LRP1B: variants seen among roughly 807,000 people sequenced by gnomAD.
LRP1B encodes the protein LDL receptor related protein 1B.
LRP1B carries 217 observed loss-of-function variants against 556.6 expected under a neutral mutation model. The ratio of observed to expected loss-of-function variants is 0.39; its 90% CI spans 0.35 to 0.44. The LOEUF (loss-of-function observed/expected upper bound fraction) is 0.44. Ranked by LOEUF, LRP1B falls within the 20% of genes least tolerant of loss-of-function variation. The pLI is 1.00. For synonymous variants in LRP1B, 2,047 were observed against 1,865.8 expected (o/e 1.10, Z -2.50); for missense variants, 5,053 against 5,620.8 (o/e 0.90, Z 3.23).
At chr2:141,333,806 T>C (rs2105500109) in intron 3 of LRP1B, among the ~76,000 whole-genome samples, 1 of 152,334 alleles carries the variant, frequency 6.6e-6, no homozygotes, top group East Asian at 1.9e-4. Flanking sequence ...TTTTATTTTT[T>C]GTCATCTAAG....
At chr2:140,769,131 A>G in intron 35 of LRP1B, 82 bp downstream of exon 35, 12 of 1,293,820 alleles carry the variant, frequency 9.3e-6, no homozygotes, top group South Asian at 1.2e-5. Flanking sequence ...ATTAAAGCAC[A>G]GAGGAAAAGA....
At chr2:140,404,162 GAAC>G (rs1684627504) in intron 66 of LRP1B, among the ~76,000 whole-genome samples, 1 of 141,538 alleles carries the variant, frequency 7.1e-6, no homozygotes, top group Non-Finnish European at 1.5e-5. Flanking sequence ...TACCAAAATA[GAAC>G]TTCTTTTTTT....
At chr2:141,192,502 A>T (rs2105204136) in intron 6 of LRP1B, among the ~76,000 whole-genome samples, 1 of 152,052 alleles carries the variant, frequency 6.6e-6, no homozygotes, top group South Asian at 2.1e-4. Context: ...CATTACTAAA[A>T]TATCTCAAAA....
At chr2:140,830,436 G>C (rs1032478930) in intron 31 of LRP1B, among the ~76,000 whole-genome samples, 3 of 152,086 alleles carry the variant, frequency 2.0e-5, no homozygotes, top group East Asian at 1.9e-4. Flanking sequence ...GTGATACAAG[G>C]ATGGTCCAAC....
intron 11 of LRP1B, among the ~76,000 whole-genome samples, chr2:141,020,913 T>C (rs1306416448): frequency 1.3e-5 from 2 of 151,946 alleles, no homozygotes; most frequent in African/African-American, 2.4e-5. Context: ...TGACCCACAG[T>C]GTGGAAACCC....
At chr2:140,757,867 C>T (rs1688789649) in intron 35 of LRP1B, among the ~76,000 whole-genome samples, 2 of 152,096 alleles carry the variant, frequency 1.3e-5, no homozygotes, top group Admixed American at 6.6e-5. Context: ...CACAGTGAGA[C>T]ACTGTCTCAA....
chr2:142,032,414 C>A (rs1703741632), intron 1 of LRP1B, among the ~76,000 whole-genome samples: 1 of 151,794 alleles, frequency 6.6e-6, no homozygotes, highest in Non-Finnish European at 1.5e-5. Flanking sequence ...TCCCTCGGCT[C>A]CTAACCATGC....
intron 41 of LRP1B, among the ~76,000 whole-genome samples, chr2:140,666,788 G>GA (rs1685291980): frequency 6.6e-6 from 1 of 152,118 alleles, no homozygotes; most frequent in South Asian, 2.1e-4. Context: ...TAAGTATCTT[G>GA]AAAAGAAAGT....
At chr2:141,792,296 C>T (rs1016502656) in intron 2 of LRP1B, among the ~76,000 whole-genome samples, 1 of 151,940 alleles carries the variant, frequency 6.6e-6, no homozygotes, top group African/African-American at 2.4e-5. Flanking sequence ...ATCTCAGACC[C>T]ATACTTTTGA....
intron 3 of LRP1B, among the ~76,000 whole-genome samples, chr2:141,323,420 A>T (rs1687314932): frequency 6.6e-6 from 1 of 152,178 alleles, no homozygotes; most frequent in Admixed American, 6.6e-5. Context: ...TAAGCAAGTT[A>T]TTCAAAAATA....
chr2:141,579,861 G>T (rs1686901823), intron 2 of LRP1B, among the ~76,000 whole-genome samples: 1 of 150,472 alleles, frequency 6.6e-6, no homozygotes, highest in Non-Finnish European at 1.5e-5. Flanking sequence ...CACCACACCC[G>T]GCTAACTTTT....
intron 3 of LRP1B, among the ~76,000 whole-genome samples, chr2:141,368,100 G>C (rs1689108799): frequency 6.6e-6 from 1 of 151,960 alleles, no homozygotes; most frequent in Admixed American, 6.6e-5. Context: ...TAAAAATTCA[G>C]GTTTTTGTAA....
At chr2:141,464,606 A>ATATATTTTTT in intron 3 of LRP1B, among the ~76,000 whole-genome samples, 1,234 of 90,462 alleles carry the variant, frequency 0.014, 44 homozygotes, top group Middle Eastern at 0.027. Flanking sequence ...ATATATATAT[A>ATATATTTTTT]TTTTTTTAGT....
chr2:141,121,619 A>G (rs1276251313), intron 7 of LRP1B, among the ~76,000 whole-genome samples: 2 of 152,126 alleles, frequency 1.3e-5, no homozygotes, highest in African/African-American at 4.8e-5. Flanking sequence ...CAAATGGAAG[A>G]ACATTCCATG....
At chr2:140,502,873 C>T (rs1366986583) in intron 54 of LRP1B, 90 bp downstream of exon 54, 9 of 1,305,018 alleles carry the variant, frequency 6.9e-6, no homozygotes, top group Non-Finnish European at 8.6e-6. Context: ...TTTGCATTTT[C>T]TCTCATTGAA....
At position 141,132,085 on chromosome 2, in the gene LRP1B, T is replaced by C. The variant is rs146707250; in HGVS notation, c.1013+56336A>G. 6.2e-3 allele frequency among the ~76,000 whole-genome samples: 945 copies of C among 152,112 alleles called. 8 individuals carry two copies. The highest frequency in any genetic ancestry group is 0.022 in the African/African-American group (905 of 41,526). ...CCCACTTATGATTGAGAACATATGA[T>C]GCCCAAACATAACATTTTTAACTTC... is the stretch of plus-strand genomic sequence containing the variant. On this transcript the variant is annotated intron_variant, in intron 7 of 90. Coordinates refer to ENST00000389484, the MANE Select transcript of LRP1B (RefSeq NM_018557.3).
At chr2:141,583,128 G>C (rs867750269) in intron 2 of LRP1B, among the ~76,000 whole-genome samples, 1 of 151,988 alleles carries the variant, frequency 6.6e-6, no homozygotes. Context: ...GAGCCACCAC[G>C]CCCGGCCAAC....
chr2:141,899,033 G>A (rs190934833), intron 1 of LRP1B, among the ~76,000 whole-genome samples: 10 of 152,224 alleles, frequency 6.6e-5, no homozygotes, highest in Admixed American at 6.5e-4. Context: ...TAAAATGTGT[G>A]TTTATGATTT....
chr2:140,851,870 G>A (rs2105122631), intron 27 of LRP1B, 87 bp from the exon 28 acceptor site: 4 of 1,278,070 alleles, frequency 3.1e-6, no homozygotes, highest in Non-Finnish European at 4.3e-6. Context: ...TTCACCTAAT[G>A]ATTCAAAGTA....
Sources: allele counts gnomAD v4.1 joint callset (sites outside exome capture counted in the v4.1 genomes callset), GRCh38; gene constraint gnomAD v4.1.1; transcripts MANE v1.5; gene names NCBI Gene and HGNC (gene_info 2026-07-23, HGNC 2026-07-21).